The following GABRR2 variants were observed in gnomAD, a reference collection of about 807,000 sequenced individuals.
GABRR2 encodes the protein gamma-aminobutyric acid type A receptor subunit rho2.
GABRR2 carries 36 observed loss-of-function variants against 47.0 expected under a neutral mutation model. That is an observed-to-expected ratio of 0.77 (90% confidence interval 0.59 to 1.01). The LOEUF (loss-of-function observed/expected upper bound fraction) is 1.01. Ranked by LOEUF, GABRR2 falls within the 50% of genes least tolerant of loss-of-function variation. The probability of loss-of-function intolerance (pLI) is 0.00; values close to 1 mark genes in which losing one functional copy is unlikely to be tolerated. For missense variants in GABRR2, 587 were observed against 594.6 expected, an observed-to-expected ratio of 0.99 and a Z score of 0.13; for synonymous variants, 204 against 227.5, an observed-to-expected ratio of 0.90 and a Z score of 0.93.
At chr6:89,264,384 T>C (rs1038005039) in intron 8 of GABRR2, 28 bp downstream of exon 8, 22 of 1,602,238 alleles carry the variant, frequency 1.4e-5, no homozygotes, top group Non-Finnish European at 1.8e-5. Context: ...AGCATGGACT[T>C]AGACAAGGGC....
chr6:89,259,883 C>CTTTTTTTTTTTTTTT (rs59831214), intron 8 of GABRR2, among the ~76,000 whole-genome samples: 1 of 67,620 alleles, frequency 1.5e-5, no homozygotes, highest in African/African-American at 6.0e-5. Context: ...CTCTCTCTCT[C>CTTTTTTTTTTTTTTT]TTTTTTTTTT....
chr6:89,265,689 A>C lies in GABRR2; in HGVS notation c.813T>G (p.Pro271=). The C allele has an allele frequency of 6.2e-7, 1 of 1,614,164 alleles. No homozygotes were observed. The highest frequency in any genetic ancestry group is 2.2e-5 in the East Asian group (1 of 44,888). Residue 271 remains proline (P), a synonymous_variant, in exon 7 of 9, where the codon CCT becomes CCG. Transcript: ENST00000402938. ...IFFFLLQTYF[P]ATLMVMLSWV... ...AGGACAGCATGACCATCAGAGTGGC[A>C]GGGAAATATGTTTGGAGCAAGAAGA...
At chr6:89,291,946 T>A (rs991476042) in intron 2 of GABRR2, among the ~76,000 whole-genome samples, 1 of 152,138 alleles carries the variant, frequency 6.6e-6, no homozygotes, top group Non-Finnish European at 1.5e-5. Flanking sequence ...AGCCTTTTCT[T>A]CCCAGTGGCC....
chr6:89,307,534 G>A (rs879912405), intron 1 of GABRR2, among the ~76,000 whole-genome samples: 2 of 152,178 alleles, frequency 1.3e-5, no homozygotes, highest in African/African-American at 4.8e-5. Flanking sequence ...TGATTCCAAG[G>A]TAGAGCAACA....
intron 7 of GABRR2, among the ~76,000 whole-genome samples, chr6:89,264,868 C>A (rs1333538386): frequency 6.6e-6 from 1 of 152,102 alleles, no homozygotes; most frequent in African/African-American, 2.4e-5. Flanking sequence ...AAGAGAGGAC[C>A]TATTCTCATG....
intron 8 of GABRR2, 98 bp downstream of exon 8, chr6:89,264,314 T>A: frequency 7.3e-7 from 1 of 1,365,990 alleles, no homozygotes; most frequent in Non-Finnish European, 9.9e-7. Context: ...ACATCTCCTT[T>A]TTCTACATGC....
At position 89,268,066 on chromosome 6, in the gene GABRR2, G is replaced by A. The variant is rs1488926880; in HGVS notation, c.543C>T (p.Asp181=). The A allele has an allele frequency of 5.0e-6, 8 of 1,611,648 alleles. No homozygotes were observed. In the East Asian group the frequency reaches 1.6e-4, roughly 31 times the overall value. ...RITVTAMCNM[D]FSHFPLDSQT... is the part of the protein sequence containing the mutation. ...GGGAGTCCAGGGGAAAGTGGCTGAA[G>A]TCCATGTTGCACATGGCAGTGACCG... The change falls in exon 5 of 9, where the codon GAC becomes GAT. Residue 181 remains aspartate, a synonymous_variant. Transcript: ENST00000402938.
Position 89,315,180 on chromosome 6 carries a change from T to C in GABRR2, c.-15A>G. 1 of 1,613,744 alleles carries C rather than the reference T, an allele frequency of 6.2e-7. No individual in the cohort carries two copies. Among genetic ancestry groups the C allele is most frequent in the East Asian group, 2.2e-5 (1 of 44,874 alleles). ...AAATAAGGCATTTTGTGGACATCTG[T>C]GAGGCAAAAAGCTGCTTTCCAGTAG... is the stretch of plus-strand genomic sequence containing the variant. On this transcript the variant is annotated 5_prime_UTR_variant, in exon 1 of 9. Transcript: ENST00000402938.
chr6:89,282,115 T>C (rs3777523), intron 2 of GABRR2, among the ~76,000 whole-genome samples: 77,815 of 151,942 alleles, frequency 0.51, 20,818 homozygotes, highest in African/African-American at 0.68. Flanking sequence ...TGCACACACA[T>C]TCGCACATAT....
intron 2 of GABRR2, among the ~76,000 whole-genome samples, chr6:89,297,357 G>A (rs1774573776): frequency 6.6e-6 from 1 of 152,192 alleles, no homozygotes; most frequent in South Asian, 2.1e-4. Context: ...GCAAGTAGGA[G>A]ACAAGAAAGG....
chr6:89,302,050 A>C (rs973242241), intron 1 of GABRR2: 6 of 658,978 alleles, frequency 9.1e-6, no homozygotes, highest in Non-Finnish European at 1.7e-5. Context: ...CTGACAATTT[A>C]ATCTTTGGTC....
intron 8 of GABRR2, among the ~76,000 whole-genome samples, chr6:89,263,991 G>A (rs1773816198): frequency 6.6e-6 from 1 of 152,198 alleles, no homozygotes; most frequent in Non-Finnish European, 1.5e-5. Context: ...CTGGTCATAA[G>A]ACAGGGAGGC....
At chr6:89,314,044 TAAG>T (rs1249482978) in intron 1 of GABRR2, among the ~76,000 whole-genome samples, 10 of 134,452 alleles carry the variant, frequency 7.4e-5, no homozygotes, top group Admixed American at 3.9e-4. Context: ...TTTCTAAAAA[TAAG>T]AAATCAATTA....
chr6:89,297,862 A>T (rs1774584114), intron 2 of GABRR2, among the ~76,000 whole-genome samples: 1 of 152,112 alleles, frequency 6.6e-6, no homozygotes, highest in Non-Finnish European at 1.5e-5. Context: ...CGAAAAAAAA[A>T]GTGGTAGTTG....
At chr6:89,292,763 G>GTATCTCTGAT (rs1774479251) in intron 2 of GABRR2, among the ~76,000 whole-genome samples, 3 of 37,280 alleles carry the variant, frequency 8.0e-5, no homozygotes, top group East Asian at 8.1e-4. Context: ...TCGTATATAC[G>GTATCTCTGAT]ATATATCGTA....
chr6:89,289,015 C>A (rs547675826), intron 2 of GABRR2, among the ~76,000 whole-genome samples: 2 of 151,868 alleles, frequency 1.3e-5, no homozygotes, highest in East Asian at 3.9e-4. Context: ...TCAATGATGT[C>A]AAAGGAAAAA....
chr6:89,314,923 G>A, intron 1 of GABRR2, 130 bp downstream of exon 1: 1 of 755,154 alleles, frequency 1.3e-6, no homozygotes, highest in Non-Finnish European at 2.2e-6. Flanking sequence ...GTTCAGTGAA[G>A]TAGCTGGGTT....
intron 8 of GABRR2, among the ~76,000 whole-genome samples, chr6:89,261,907 C>T (rs1281781136): frequency 6.6e-6 from 1 of 151,872 alleles, no homozygotes; most frequent in Non-Finnish European, 1.5e-5. Context: ...GGCGGGGTGG[C>T]GCATGCTTAA....
At chr6:89,308,716 C>T (rs1767618345) in intron 1 of GABRR2, among the ~76,000 whole-genome samples, 1 of 152,160 alleles carries the variant, frequency 6.6e-6, no homozygotes, top group Non-Finnish European at 1.5e-5. Context: ...CCATTTAGTT[C>T]CTCCCATCAA....
Sources: gnomAD v4.1 joint callset for allele counts (sites outside exome capture counted in the v4.1 genomes callset) on GRCh38, gnomAD v4.1.1 for gene constraint, MANE v1.5 for transcripts, NCBI Gene and HGNC (gene_info 2026-07-23, HGNC 2026-07-21) for gene names.